Variants in CATSPER1 observed in about 807,000 individuals in gnomAD.
The protein encoded by CATSPER1 is cation channel sperm associated 1, also known as cation channel sperm-associated protein 1.
A neutral mutation model predicts 72.7 loss-of-function variants in CATSPER1; 57 were observed. The observed-to-expected ratio is 0.78, with a 90% CI of 0.63 to 0.98. CATSPER1 has a LOEUF of 0.98. Ranked by LOEUF, CATSPER1 falls within the 50% of genes least tolerant of loss-of-function variation. The pLI is 0.00. For missense variants in CATSPER1, 910 were observed against 1,033.9 expected (o/e 0.88, Z 1.64); for synonymous variants, 363 against 403.0 (o/e 0.90, Z 1.19).
intron 2 of CATSPER1, among the ~76,000 whole-genome samples, chr11:66,022,648 T>C (rs1173781408): frequency 1.3e-5 from 2 of 152,232 alleles, no homozygotes; most frequent in South Asian, 2.1e-4. Context: ...GCCTCCCGCC[T>C]AGCGGGTCCT....
chr11:66,018,224 GA>G (rs1856280155), intron 10 of CATSPER1, among the ~76,000 whole-genome samples: 1 of 147,788 alleles, frequency 6.8e-6, no homozygotes, highest in Admixed American at 7.0e-5. Context: ...AAAAAAAAAA[GA>G]AAAAAGAAAA....
In CATSPER1 at chr11:66,025,794, C is replaced by T; in HGVS notation, c.586G>A (p.Ala196Thr). Residue 196 changes from alanine (A) to threonine (T), a missense_variant, in exon 1 of 12, where the codon GCT (alanine) becomes ACT (threonine). By Grantham distance (58) the Ala-to-Thr change is moderately conservative. Coordinates refer to ENST00000312106, the MANE Select transcript of CATSPER1 (RefSeq NM_053054.4). Reference protein sequence around the residue: ...PYSESFHHSEASHLSGLQHDE... With the variant: ...PYSESFHHSETSHLSGLQHDE... ...TGTTGGAGCCCGCTAAGGTGGGAAGCCTCGCTGTGGTGGAAGGACTCACTG... is the reference window on the plus strand; with the variant it reads ...TGTTGGAGCCCGCTAAGGTGGGAAGTCTCGCTGTGGTGGAAGGACTCACTG... The T allele has an allele frequency of 6.2e-7, 1 of 1,613,084 alleles. No individual in the cohort carries two copies. Among genetic ancestry groups the T allele is most frequent in the Non-Finnish European group, 8.5e-7 (1 of 1,179,546 alleles).
rs1282163572 is a variant in CATSPER1 at position 66,020,961 on chromosome 11, G to A, written c.1784-7C>T. 2 of 1,613,842 alleles carry A rather than the reference G, an allele frequency of 1.2e-6. No individual in the cohort carries two copies. Among genetic ancestry groups the A allele is most frequent in the Non-Finnish European group, 1.7e-6 (2 of 1,180,018 alleles). On this transcript the variant is annotated splice_polypyrimidine_tract_variant and splice_region_variant and intron_variant, in intron 5 of 11. Coordinates refer to ENST00000312106, the MANE Select transcript of CATSPER1 (RefSeq NM_053054.4). This position sits in a 1 kb window ranked among gnomAD's most constrained non-coding sequence, Gnocchi z 4.5. ...AGGACCGCGGAGAAGAGGACTGGCT[G>A]TTCAGGGCCAAACTCAGCTCTCCAG...
At position 66,022,874 on chromosome 11, in the gene CATSPER1, G is replaced by T; in HGVS notation, c.1404C>A (p.Thr468=). The part of the protein sequence containing the change: ...CLNTVMLVAQ[T]FAEVEIRGEW... ...CGCCCCGGATCTCGACTTCAGCGAA[G>T]GTCTGGGCCACCAGCATGACGGTGT... The change falls in exon 2 of 12, where the codon ACC becomes ACA. Residue 468 remains threonine (T), a synonymous_variant. Coordinates refer to ENST00000312106, the MANE Select transcript of CATSPER1 (RefSeq NM_053054.4). The T allele has an allele frequency of 1.2e-6, 2 of 1,614,228 alleles. No individual in the cohort carries two copies. The highest frequency in any genetic ancestry group is 1.7e-6 in the Non-Finnish European group (2 of 1,180,048).
rs1419003338 is a variant in CATSPER1 at position 66,020,929 on chromosome 11, T to C, written c.1809A>G (p.Ala603=). The change falls in exon 6 of 12, where the codon GCA becomes GCG. Residue 603 remains alanine (A), a synonymous_variant. Transcript: ENST00000312106. This position sits in a 1 kb window ranked among gnomAD's most constrained non-coding sequence, Gnocchi z 4.5. ...CLFLFSAVLR[A]LFRKSDPKRF... is the part of the protein sequence containing the mutation. ...GCTTGGGGTCAGATTTGCGGAACAG[T>C]GCCCGGAGGACCGCGGAGAAGAGGA... 1 of 1,614,022 alleles carries C rather than the reference T, an allele frequency of 6.2e-7. No homozygotes were observed. The highest frequency in any genetic ancestry group is 1.3e-5 in the African/African-American group (1 of 75,002).
At position 66,020,988 on chromosome 11, in the gene CATSPER1, G is replaced by A. The variant is rs374731202; in HGVS notation, c.1784-34C>T. The stretch of plus-strand genomic sequence containing the variant: ...TCAGGGCCAAACTCAGCTCTCCAGT[G>A]CTATCCCCACCCCAGCGCCCCTCGT... On this transcript the variant is annotated intron_variant, in intron 5 of 11. Coordinates refer to ENST00000312106, the MANE Select transcript of CATSPER1 (RefSeq NM_053054.4). This position sits in a 1 kb window ranked among gnomAD's most constrained non-coding sequence, Gnocchi z 4.5. The A allele has an allele frequency of 1.2e-5, 19 of 1,613,250 alleles. No individual in the cohort carries two copies. In the African/African-American group the frequency reaches 2.1e-4, roughly 18 times the overall value.
intron 1 of CATSPER1, among the ~76,000 whole-genome samples, chr11:66,023,516 A>G (rs1429171332): frequency 2.0e-5 from 3 of 152,014 alleles, no homozygotes; most frequent in Non-Finnish European, 2.9e-5. Flanking sequence ...CGACTTCACT[A>G]CTGCTCTATG....
chr11:66,018,018 G>T (rs775115761), intron 10 of CATSPER1, among the ~76,000 whole-genome samples: 1 of 152,128 alleles, frequency 6.6e-6, no homozygotes, highest in Non-Finnish European at 1.5e-5. Context: ...GGCCAACATG[G>T]TGAAACCCTG....
At position 66,020,245 on chromosome 11, in the gene CATSPER1, C is replaced by G. The variant is rs762289393; in HGVS notation, c.2065-45G>C. The G allele has an allele frequency of 6.2e-7, 1 of 1,614,020 alleles. No individual in the cohort carries two copies. Among genetic ancestry groups the G allele is most frequent in the Admixed American group, 1.7e-5 (1 of 60,030 alleles). On this transcript the variant is annotated intron_variant, in intron 8 of 11. Transcript: ENST00000312106. This position sits in a 1 kb window ranked among gnomAD's most constrained non-coding sequence, Gnocchi z 4.5. The stretch of plus-strand genomic sequence containing the variant: ...GATCTGCCAGAGTCCCAGGCCTGCT[C>G]AACCCTGGAGGCCCCTGGCCTCACT...
At chr11:66,024,200 A>AAGC (rs1856441704) in intron 1 of CATSPER1, among the ~76,000 whole-genome samples, 1 of 151,136 alleles carries the variant, frequency 6.6e-6, no homozygotes, top group Admixed American at 6.6e-5. Flanking sequence ...TCCTGACCTC[A>AAGC]AGCAATCTAC....
chr11:66,016,871 A>G lies in CATSPER1; in HGVS notation c.*19T>C. 6.2e-7 allele frequency: 1 copy of G among 1,613,090 alleles called. No homozygotes were observed. Among genetic ancestry groups the G allele is most frequent in the Non-Finnish European group, 8.5e-7 (1 of 1,179,438 alleles). ...CAGACTGCCAGGGGCTGAAGTCTGT[A>G]TCTGGTGTCCTCCTGGGGTCAATTC... On this transcript the variant is annotated 3_prime_UTR_variant, in exon 12 of 12. Coordinates refer to ENST00000312106, the MANE Select transcript of CATSPER1 (RefSeq NM_053054.4).
chr11:66,025,468 G>A lies in CATSPER1; in HGVS notation c.912C>T (p.Asp304=). 1.2e-6 allele frequency: 2 copies of A among 1,613,326 alleles called. No homozygotes were observed. The highest frequency in any genetic ancestry group is 1.7e-6 in the Non-Finnish European group (2 of 1,179,902). The change falls in exon 1 of 12, where the codon GAC becomes GAT. Residue 304 remains aspartate (D), a synonymous_variant. Coordinates refer to ENST00000312106, the MANE Select transcript of CATSPER1 (RefSeq NM_053054.4). ...AACTGGAATGATACGCGCCGTGGTG[G>A]TCTTGGTGCTGATGGTAGTCTCGGT... is the stretch of plus-strand genomic sequence containing the variant. ...HRHRDYHQHQ[D]HHGAYHSSYL...
rs750051513 is a variant in CATSPER1 at position 66,017,135 on chromosome 11, T to G, written c.2241A>C (p.Ala747=). ...ACTTCTGCTGCTCCTGCTCCACGCT[T>G]GCCACCAGCTGCAGGTAATGGAACA... The part of the protein sequence containing the change: ...ELLFHYLQLV[A]SVEQEQQKFR... Residue 747 remains alanine (A), a synonymous_variant, in exon 11 of 12, where the codon GCA becomes GCC. Coordinates refer to ENST00000312106, the MANE Select transcript of CATSPER1 (RefSeq NM_053054.4). The G allele has an allele frequency of 7.3e-7, 1 of 1,376,112 alleles. No individual in the cohort carries two copies. Among genetic ancestry groups the G allele is most frequent in the Admixed American group, 1.9e-5 (1 of 51,746 alleles). 85.2% of individuals were successfully genotyped at this position (1,376,112 alleles called of 1,614,324 possible).
In CATSPER1 at chr11:66,022,625, C is replaced by T. The variant is rs987579332; in HGVS notation, c.1429+224G>A. 1.2e-4 allele frequency among the ~76,000 whole-genome samples: 19 copies of T among 152,392 alleles called. No individual in the cohort carries two copies. In the East Asian group the frequency reaches 3.7e-3, roughly 29 times the overall value. ...CAGATGCGCTCCCTAGTGGCTGCGG[C>T]GCGAACAGCACCGCCTCCCGCCTAG... On this transcript the variant is annotated intron_variant, in intron 2 of 11. Transcript: ENST00000312106.
In CATSPER1 at chr11:66,025,669, A is replaced by G. The variant is rs192856378; in HGVS notation, c.711T>C (p.His237=). The change falls in exon 1 of 12, where the codon CAT becomes CAC. Residue 237 remains histidine (H), a synonymous_variant. Transcript: ENST00000312106. ...GRSRHHEAHQ[H]GKSPHHGETI... is the part of the protein sequence containing the mutation. ...TCTCTCCGTGATGAGGAGACTTTCC[A>G]TGCTGGTGGGCTTCATGATGACGGG... 17 of 1,613,896 alleles carry G rather than the reference A, an allele frequency of 1.1e-5. No homozygotes were observed. The highest frequency in any genetic ancestry group is 1.4e-5 in the Non-Finnish European group (16 of 1,179,956).
In CATSPER1 at chr11:66,020,501, G is replaced by T. The variant is rs1565070545; in HGVS notation, c.1991+63C>A. 6.3e-7 allele frequency: 1 copy of T among 1,597,222 alleles called. No homozygotes were observed. Among genetic ancestry groups the T allele is most frequent in the South Asian group, 1.1e-5 (1 of 90,704 alleles). ...ACCAGGGTGAGAGGGCTGGGGTAAG[G>T]GTCCCAGGGGAGAGGAGGAAGTGTG... is the stretch of plus-strand genomic sequence containing the variant. On this transcript the variant is annotated intron_variant, in intron 7 of 11. Coordinates refer to ENST00000312106, the MANE Select transcript of CATSPER1 (RefSeq NM_053054.4). The surrounding 1 kb of genome is among the most constrained non-coding windows in gnomAD (Gnocchi z 4.5).
Position 66,026,232 on chromosome 11 carries a change from C to T in CATSPER1, c.148G>A (p.Val50Met), listed in dbSNP as rs139889481. ...TGAGATTCACCACGTTGGTGGGGCA[C>T]GCCGTGATGGTGCAACTCGTAATGG... ...LHHYELHHHG[V>M]PHQRGESHHP... Residue 50 changes from valine (V) to methionine (M), a missense_variant, in exon 1 of 12, where the codon GTG becomes ATG. Val to Met is a conservative substitution (Grantham distance 21, BLOSUM62 1). Coordinates refer to ENST00000312106, the MANE Select transcript of CATSPER1 (RefSeq NM_053054.4). The T allele has an allele frequency of 4.1e-4, 660 of 1,613,034 alleles. 2 individuals carry two copies. In the African/African-American group the frequency reaches 6.5e-3, roughly 16 times the overall value.
At position 66,025,191 on chromosome 11, in the gene CATSPER1, C is replaced by T. The variant is rs1200748998; in HGVS notation, c.1189G>A (p.Glu397Lys). Residue 397 changes from glutamate (E) to lysine (K), a missense_variant, in exon 1 of 12, where the codon GAA becomes AAA. Transcript: ENST00000312106. The part of the protein sequence containing the change: ...STKHSEDWGK[E>K]EGQFQKRKTG... ...TTGCGTTTCTGAAATTGCCCTTCTTCTTTGCCCCAGTCTTCTGAATGTTTG... is the reference window on the plus strand; with the variant it reads ...TTGCGTTTCTGAAATTGCCCTTCTTTTTTGCCCCAGTCTTCTGAATGTTTG... The T allele has an allele frequency of 6.2e-7, 1 of 1,614,180 alleles. No homozygotes were observed. Among genetic ancestry groups the T allele is most frequent in the South Asian group, 1.1e-5 (1 of 91,074 alleles).
At position 66,026,283 on chromosome 11, in the gene CATSPER1, T is replaced by C; in HGVS notation, c.97A>G (p.Arg33Gly). 6.2e-7 allele frequency: 1 copy of C among 1,614,166 alleles called. No individual in the cohort carries two copies. Among genetic ancestry groups the C allele is most frequent in the South Asian group, 1.1e-5 (1 of 91,082 alleles). Reference sequence around the variant, plus strand: ...TGGAGAGCTCTGCTGTGGCCTGGCCTGTGGTGTGGGGGTGATGAGTGAGAG... The same window carrying C: ...TGGAGAGCTCTGCTGTGGCCTGGCCCGTGGTGTGGGGGTGATGAGTGAGAG... Reference protein sequence around the residue: ...FRSHSSPPHHRPGHSRALHHY... With the variant: ...FRSHSSPPHHGPGHSRALHHY... Residue 33 changes from arginine (R) to glycine (G), a missense_variant, in exon 1 of 12, where the codon AGG becomes GGG. Coordinates refer to ENST00000312106, the MANE Select transcript of CATSPER1 (RefSeq NM_053054.4).
Sources: allele counts gnomAD v4.1 joint callset (sites outside exome capture counted in the v4.1 genomes callset), GRCh38; gene constraint gnomAD v4.1.1; non-coding constraint Gnocchi (gnomAD v3.1); transcripts MANE v1.5; gene names NCBI Gene and HGNC (gene_info 2026-07-23, HGNC 2026-07-21).